SF3B1: variants seen among roughly 807,000 people sequenced by gnomAD.
SF3B1 encodes splicing factor 3b subunit 1, also known as pre-mRNA processing 10.
A neutral mutation model predicts 153.8 loss-of-function variants in SF3B1; 12 were observed. That is an observed-to-expected ratio of 0.08 (90% CI 0.05 to 0.13). The LOEUF (loss-of-function observed/expected upper bound fraction) is 0.13, where lower values mean the gene tolerates loss of function less well. SF3B1 is among the 10% of genes least tolerant of loss of function. The pLI is 1.00. For synonymous variants in SF3B1, 498 were observed against 525.2 expected, an observed-to-expected ratio of 0.95 and a Z score of 0.71; for missense variants, 513 against 1,606.1, an observed-to-expected ratio of 0.32 and a Z score of 11.63.
At chr2:197,412,023 T>C (rs2085076091) in intron 6 of SF3B1, among the ~76,000 whole-genome samples, 1 of 151,052 alleles carries the variant, frequency 6.6e-6, no homozygotes, top group Non-Finnish European at 1.5e-5. Context: ...GGCATGAGAA[T>C]TGCCTAAACC....
chr2:197,424,089 A>T (rs2085292015), intron 1 of SF3B1, 115 bp from the exon 2 acceptor site: 1 of 879,016 alleles, frequency 1.1e-6, no homozygotes, highest in African/African-American at 1.7e-5. Context: ...GAAAATGTAC[A>T]ATAATTGCAC....
intron 4 of SF3B1, chr2:197,419,158 G>C (rs1471160459): frequency 2.0e-6 from 1 of 488,956 alleles, no homozygotes; most frequent in Non-Finnish European, 3.6e-6. Flanking sequence ...TTACTAAAAA[G>C]GGCTTCATGC....
At chr2:197,408,670 C>T in intron 7 of SF3B1, 89 bp from the exon 8 acceptor site, 2 of 916,772 alleles carry the variant, frequency 2.2e-6, no homozygotes, top group Non-Finnish European at 3.4e-6. Flanking sequence ...TCAAAACTAT[C>T]AAGTTCTAAA....
Position 197,402,160 on chromosome 2 carries a change from G to A in SF3B1, c.2078-30C>T, listed in dbSNP as rs748975125. 4 of 1,573,384 alleles carry A rather than the reference G, an allele frequency of 2.5e-6. No homozygotes were observed. The East Asian group carries it at 6.8e-5, about 27-fold the overall frequency. ...AAAACCAAACACAGGTTTTAACTAT[G>A]CCCCAACATTACCTAAGTTACACAA... On this transcript the variant is annotated intron_variant, in intron 14 of 24. Transcript: ENST00000335508. This position sits in a 1 kb window ranked among gnomAD's most constrained non-coding sequence, Gnocchi z 4.6.
intron 4 of SF3B1, chr2:197,420,140 T>A (rs2085216378): frequency 8.6e-6 from 3 of 347,650 alleles, no homozygotes. Context: ...TTGATCCAAG[T>A]ATAGAAAGCG....
At chr2:197,427,624 G>A (rs746301980) in intron 1 of SF3B1, among the ~76,000 whole-genome samples, 3 of 152,152 alleles carry the variant, frequency 2.0e-5, no homozygotes, top group Non-Finnish European at 2.9e-5. Context: ...ATAAAAAGGT[G>A]GGAAAAAATA....
intron 12 of SF3B1, 131 bp from the exon 13 acceptor site, chr2:197,403,166 A>G: frequency 1.4e-6 from 1 of 695,694 alleles, no homozygotes; most frequent in Non-Finnish European, 2.4e-6. Flanking sequence ...CGAACTGTTT[A>G]AGAATTTTAA....
chr2:197,420,900 C>T (rs1309749111), intron 3 of SF3B1, 129 bp downstream of exon 3: 2 of 635,730 alleles, frequency 3.1e-6, no homozygotes, highest in East Asian at 3.0e-5. Context: ...AAAAAGATTA[C>T]ACCTTTACAA....
At position 197,406,757 on chromosome 2, in the gene SF3B1, A is replaced by G. The variant is rs537962013; in HGVS notation, c.1239+1241T>C. On this transcript the variant is annotated intron_variant, in intron 9 of 24. Transcript: ENST00000335508. ...AAGCTTTAAGGCAAAACTTCATGCAAACTTGAAACAAATACTCTAACACAA... is the reference window on the plus strand; with the variant it reads ...AAGCTTTAAGGCAAAACTTCATGCAGACTTGAAACAAATACTCTAACACAA... 2.6e-5 allele frequency among the ~76,000 whole-genome samples: 4 copies of G among 152,306 alleles called. No homozygotes were observed. In the South Asian group the frequency reaches 8.3e-4, roughly 32 times the overall value.
intron 1 of SF3B1, among the ~76,000 whole-genome samples, chr2:197,424,721 G>A (rs894321239): frequency 6.6e-6 from 1 of 152,134 alleles, no homozygotes. Flanking sequence ...GCAAAGTAAT[G>A]TTTTGTTTTA....
chr2:197,403,066 T>C (rs201111968), intron 12 of SF3B1, 31 bp from the exon 13 acceptor site: 14 of 1,443,852 alleles, frequency 9.7e-6, no homozygotes, highest in African/African-American at 8.5e-5. Context: ...GAAGCTACAC[T>C]TTCACATCAA....
At chr2:197,427,877 G>C (rs1002144368) in intron 1 of SF3B1, among the ~76,000 whole-genome samples, 7 of 152,064 alleles carry the variant, frequency 4.6e-5, no homozygotes, top group African/African-American at 1.7e-4. Context: ...AAATTAGCCA[G>C]GTGTGGTGGT....
In SF3B1 at chr2:197,401,142, T is replaced by C. The variant is rs570130239; in HGVS notation, c.2497-206A>G. Among the ~76,000 whole-genome samples, 3 of 152,278 alleles carry C rather than the reference T, an allele frequency of 2.0e-5. No homozygotes were observed. In the South Asian group the frequency reaches 6.2e-4, roughly 32 times the overall value. On this transcript the variant is annotated intron_variant, in intron 17 of 24. Coordinates refer to ENST00000335508, the MANE Select transcript of SF3B1 (RefSeq NM_012433.4). This position sits in a 1 kb window ranked among gnomAD's most constrained non-coding sequence, Gnocchi z 4.2. ...AAGTTAACATGATTCAAGGTAAAACTGTGTCCATGTTTCATCTAGCCAGAT... is the reference window on the plus strand; with the variant it reads ...AAGTTAACATGATTCAAGGTAAAACCGTGTCCATGTTTCATCTAGCCAGAT...
intron 1 of SF3B1, among the ~76,000 whole-genome samples, chr2:197,432,428 A>G (rs2085454280): frequency 6.6e-6 from 1 of 152,270 alleles, no homozygotes; most frequent in Non-Finnish European, 1.5e-5. Flanking sequence ...CACCTGACAT[A>G]ATACGTGGAA....
rs377393607 is a variant in SF3B1 at position 197,399,227 on chromosome 2, T to C, written c.3014-646A>G. Among the ~76,000 whole-genome samples the C allele has an allele frequency of 4.6e-5, 7 of 152,284 alleles. No homozygotes were observed. In the South Asian group the frequency reaches 8.3e-4, roughly 18 times the overall value. ...TCTGGCAAGTAGCTATCTTCAAGTA[T>C]AGAGGATAGGGTTGCATTGGAGATT... is the stretch of plus-strand genomic sequence containing the variant. On this transcript the variant is annotated intron_variant, in intron 20 of 24. Transcript: ENST00000335508.
intron 20 of SF3B1, chr2:197,399,125 C>A: frequency 8.0e-7 from 1 of 1,251,284 alleles, no homozygotes; most frequent in Admixed American, 3.1e-5. Context: ...CATTGCTCTT[C>A]CCATGCCTCT....
In SF3B1 at chr2:197,390,508, CAT is replaced by C. The variant is rs1245972362; in HGVS notation, c.*1793_*1794del. ...GAGTTTGGAGTGTTTAATTTTACTA[CAT>C]AGTGACATATATTCAGAAAGTTGTC... On this transcript the variant is annotated 3_prime_UTR_variant, in exon 25 of 25. Coordinates refer to ENST00000335508, the MANE Select transcript of SF3B1 (RefSeq NM_012433.4). 2 of 152,128 alleles carry C rather than the reference CAT, an allele frequency of 1.3e-5. No individual in the cohort carries two copies. The highest frequency in any genetic ancestry group is 2.4e-5 in the African/African-American group (1 of 41,412). The allele number at this position is 152,128 out of a possible 1,614,324, so 9.4% of individuals were successfully genotyped here.
intron 6 of SF3B1, among the ~76,000 whole-genome samples, chr2:197,411,508 C>G (rs1173243587): frequency 6.6e-6 from 1 of 151,626 alleles, no homozygotes; most frequent in African/African-American, 2.4e-5. Context: ...CCCGTCTCTA[C>G]TAATACAAAA....
intron 1 of SF3B1, among the ~76,000 whole-genome samples, chr2:197,427,601 G>A (rs1043002917): frequency 1.3e-5 from 2 of 152,130 alleles, no homozygotes; most frequent in Non-Finnish European, 2.9e-5. Flanking sequence ...CTGAGGTTTC[G>A]TTTTCAAAAT....
Sources: gnomAD v4.1 joint callset for allele counts (sites outside exome capture counted in the v4.1 genomes callset) on GRCh38, gnomAD v4.1.1 for gene constraint, Gnocchi (gnomAD v3.1) non-coding constraint, MANE v1.5 for transcripts, NCBI Gene and HGNC (gene_info 2026-07-23, HGNC 2026-07-21) for gene names.